The following ADARB2 variants were observed in gnomAD, a reference collection of about 807,000 sequenced individuals.
The protein encoded by ADARB2 is adenosine deaminase RNA specific B2 (inactive), also known as inactive double-stranded RNA-specific editase B2.
In ADARB2, 25 loss-of-function variants were observed where a neutral mutation model predicts 62.2. The ratio of observed to expected loss-of-function variants is 0.40; its 90% confidence interval spans 0.29 to 0.56. The LOEUF is 0.56. Ranked by LOEUF, ADARB2 falls within the 20% of genes least tolerant of loss-of-function variation. The probability of loss-of-function intolerance (pLI) is 0.43; values close to 1 mark genes in which losing one functional copy is unlikely to be tolerated. For synonymous variants in ADARB2, 572 were observed against 500.8 expected (o/e 1.14, Z -1.90); for missense variants, 1,071 against 1,077.4 (o/e 0.99, Z 0.08).
At chr10:1,292,991 GGA>G (rs1169107830) in intron 3 of ADARB2, 2 of 61,566 alleles carry the variant, frequency 3.2e-5, no homozygotes, top group Admixed American at 1.9e-4. Context: ...AGAGAGAGAG[GGA>G]GAGGGAGGGA....
chr10:1,500,681 A>C (rs1831755815), intron 1 of ADARB2, among the ~76,000 whole-genome samples: 1 of 152,200 alleles, frequency 6.6e-6, no homozygotes, highest in Non-Finnish European at 1.5e-5. Flanking sequence ...AAAACATTTA[A>C]TCTTGCCCAG....
chr10:1,202,612 A>G lies in ADARB2; in HGVS notation c.1683-2465T>C, dbSNP rs76053162. Among the ~76,000 whole-genome samples, 1,277 of 152,320 alleles carry G rather than the reference A, an allele frequency of 8.4e-3. 27 individuals carry two copies. The highest frequency in any genetic ancestry group is 0.029 in the African/African-American group (1,220 of 41,566). ...CGGGACGTAAGATGCCCGTTCTCAG[A>G]TTTGGAGATGCCAGAAAACAAGGCC... On this transcript the variant is annotated intron_variant, in intron 7 of 9. Transcript: ENST00000381312.
At chr10:1,232,550 T>G (rs979155477) in intron 6 of ADARB2, among the ~76,000 whole-genome samples, 3 of 151,844 alleles carry the variant, frequency 2.0e-5, no homozygotes, top group Non-Finnish European at 4.4e-5. Flanking sequence ...GGTATGTGTG[T>G]GTGGTGTATG....
chr10:1,629,193 C>G (rs1833812848), intron 1 of ADARB2, among the ~76,000 whole-genome samples: 1 of 152,124 alleles, frequency 6.6e-6, no homozygotes, highest in African/African-American at 2.4e-5. Context: ...TTGATTTACT[C>G]TTTCTCCTTT....
chr10:1,468,498 G>C (rs752157559), intron 1 of ADARB2, among the ~76,000 whole-genome samples: 4 of 152,192 alleles, frequency 2.6e-5, no homozygotes, highest in African/African-American at 7.2e-5. Flanking sequence ...GTGCAGCTTC[G>C]TGGCTATCTC....
intron 1 of ADARB2, among the ~76,000 whole-genome samples, chr10:1,419,491 T>C (rs1832835113): frequency 6.6e-6 from 1 of 152,220 alleles, no homozygotes; most frequent in Non-Finnish European, 1.5e-5. Context: ...GGCTCATGCA[T>C]ATGCTCCCCT....
intron 1 of ADARB2, among the ~76,000 whole-genome samples, chr10:1,699,611 C>A (rs1834797230): frequency 7.2e-6 from 1 of 139,008 alleles, no homozygotes; most frequent in Admixed American, 7.0e-5. Context: ...AGACCAGGCG[C>A]TCGCCAATAC....
At chr10:1,589,299 C>T (rs113366756) in intron 1 of ADARB2, among the ~76,000 whole-genome samples, 6,022 of 152,246 alleles carry the variant, frequency 0.04, 430 homozygotes, top group African/African-American at 0.13. Context: ...TGGAAAGGTG[C>T]GGACCCTGCC....
intron 1 of ADARB2, among the ~76,000 whole-genome samples, chr10:1,521,980 C>T (rs1045027940): frequency 6.6e-6 from 1 of 152,180 alleles, no homozygotes; most frequent in Non-Finnish European, 1.5e-5. Context: ...CCATATTTGG[C>T]TCGGAATAAA....
At chr10:1,258,193 A>G (rs939416704) in intron 4 of ADARB2, among the ~76,000 whole-genome samples, 1 of 152,028 alleles carries the variant, frequency 6.6e-6, no homozygotes, top group Non-Finnish European at 1.5e-5. Context: ...GCTTAACCAT[A>G]GCATGGTTAA....
At chr10:1,671,692 C>A in intron 1 of ADARB2, among the ~76,000 whole-genome samples, 1 of 152,106 alleles carries the variant, frequency 6.6e-6, no homozygotes, top group East Asian at 1.9e-4. Context: ...GCATCGGTGC[C>A]ACCTTTCCAG....
At chr10:1,667,280 C>T (rs373499020) in intron 1 of ADARB2, among the ~76,000 whole-genome samples, 1 of 152,142 alleles carries the variant, frequency 6.6e-6, no homozygotes, top group Admixed American at 6.5e-5. Flanking sequence ...CTTTAGGCAT[C>T]AGGACTGAAT....
chr10:1,248,129 A>G (rs1052227167), intron 4 of ADARB2, among the ~76,000 whole-genome samples: 1 of 152,244 alleles, frequency 6.6e-6, no homozygotes, highest in African/African-American at 2.4e-5. Flanking sequence ...CAAAGACGCC[A>G]GGCGAGGGGA....
At chr10:1,251,305 A>T (rs770796541) in intron 4 of ADARB2, among the ~76,000 whole-genome samples, 6 of 152,236 alleles carry the variant, frequency 3.9e-5, no homozygotes, top group Non-Finnish European at 5.9e-5. Flanking sequence ...AATAAAAGTT[A>T]AGTAAAAGAA....
intron 3 of ADARB2, chr10:1,361,298 A>G (rs9787675): frequency 0.97 from 147,022 of 152,140 alleles, 71,209 homozygotes; most frequent in Middle Eastern, 1. Flanking sequence ...GGAAGAGAGA[A>G]GGGAGTAAAT....
At chr10:1,548,252 A>G (rs1039356086) in intron 1 of ADARB2, among the ~76,000 whole-genome samples, 1 of 152,104 alleles carries the variant, frequency 6.6e-6, no homozygotes, top group Non-Finnish European at 1.5e-5. Context: ...CCCGCAACTC[A>G]CTGGGCAAGG....
chr10:1,635,506 T>C (rs1389243857), intron 1 of ADARB2, among the ~76,000 whole-genome samples: 1 of 152,212 alleles, frequency 6.6e-6, no homozygotes, highest in Admixed American at 6.5e-5. Context: ...CCCCTTGAGA[T>C]GTGGCTCTGC....
chr10:1,433,134 A>G (rs1830794280), intron 1 of ADARB2, among the ~76,000 whole-genome samples: 1 of 152,214 alleles, frequency 6.6e-6, no homozygotes, highest in African/African-American at 2.4e-5. Flanking sequence ...CAAAGAGAAA[A>G]TGAAGTGAAG....
At chr10:1,211,781 A>G (rs192610026) in intron 7 of ADARB2, among the ~76,000 whole-genome samples, 250 of 152,342 alleles carry the variant, frequency 1.6e-3, no homozygotes, top group Admixed American at 4.2e-3. Context: ...TGGTATTTCC[A>G]CCACACAGAT....
Sources: gnomAD v4.1 joint callset for allele counts (sites outside exome capture counted in the v4.1 genomes callset) on GRCh38, gnomAD v4.1.1 for gene constraint, MANE v1.5 for transcripts, NCBI Gene and HGNC (gene_info 2026-07-23, HGNC 2026-07-21) for gene names.